C12orf42: variants seen among roughly 807,000 people sequenced by gnomAD.
C12orf42 encodes the protein uncharacterized protein C12orf42.
Under a neutral mutation model 21.6 loss-of-function variants are expected in C12orf42, and 25 were observed. The observed-to-expected ratio is 1.16, with a 90% CI of 0.84 to 1.62. The LOEUF (loss-of-function observed/expected upper bound fraction) is 1.62. C12orf42 is among the 40% of genes most tolerant of loss of function. C12orf42 has a pLI of 0.00. For missense variants in C12orf42, 483 were observed against 459.3 expected, an observed-to-expected ratio of 1.05 and a Z score of -0.47; for synonymous variants, 174 against 175.0, an observed-to-expected ratio of 0.99 and a Z score of 0.05.
chr12:103,213,909 A>G, the C12orf42 span, among the ~76,000 whole-genome samples: 4 of 152,150 alleles, frequency 2.6e-5, no homozygotes, highest in Non-Finnish European at 4.4e-5. Context: ...CTCATTTTCC[A>G]TGGATTGATA....
intron 4 of C12orf42, among the ~76,000 whole-genome samples, chr12:103,340,904 G>A (rs1225737514): frequency 3.3e-5 from 5 of 152,062 alleles, no homozygotes; most frequent in Non-Finnish European, 1.5e-5. Flanking sequence ...ACGAGGTCAG[G>A]AGATCGAGAC....
chr12:103,156,410 C>T, the C12orf42 span, among the ~76,000 whole-genome samples: 4 of 152,104 alleles, frequency 2.6e-5, no homozygotes, highest in Admixed American at 2.0e-4. Flanking sequence ...AATGTGGGTG[C>T]AGATTGCATG....
the C12orf42 span, among the ~76,000 whole-genome samples, chr12:103,171,366 T>A: frequency 0.5 from 75,568 of 151,988 alleles, 19,043 homozygotes; most frequent in East Asian, 0.67. Context: ...AGAGGCCCTC[T>A]ATAAATATTT....
At chr12:103,507,162 AT>A in the C12orf42 span, among the ~76,000 whole-genome samples, 3 of 26,992 alleles carry the variant, frequency 1.1e-4, no homozygotes, top group Admixed American at 7.1e-4. Flanking sequence ...ATATATATAT[AT>A]AATATATATT....
intron 4 of C12orf42, among the ~76,000 whole-genome samples, chr12:103,316,814 GA>G (rs796082267): frequency 2.1e-3 from 303 of 142,268 alleles, no homozygotes; most frequent in Middle Eastern, 0.011. Context: ...ACTTATACTG[GA>G]AAAAAAAAAA....
intron 5 of C12orf42, among the ~76,000 whole-genome samples, chr12:103,270,927 T>A (rs2035438062): frequency 6.6e-6 from 1 of 152,096 alleles, no homozygotes; most frequent in Admixed American, 6.6e-5. Context: ...AATATCAGAA[T>A]GGGATAATTT....
At chr12:103,255,199 C>T (rs1222864789) in intron 10 of C12orf42, among the ~76,000 whole-genome samples, 5 of 151,892 alleles carry the variant, frequency 3.3e-5, no homozygotes, top group African/African-American at 4.8e-5. Context: ...GGTGAAATCC[C>T]GTCTCTCCTA....
At chr12:103,212,390 T>C in the C12orf42 span, among the ~76,000 whole-genome samples, 3 of 152,354 alleles carry the variant, frequency 2.0e-5, no homozygotes, top group African/African-American at 7.2e-5. Context: ...ATGTTTTTTG[T>C]TTAACGTTGT....
chr12:103,225,752 C>T, the C12orf42 span, among the ~76,000 whole-genome samples: 2 of 152,086 alleles, frequency 1.3e-5, no homozygotes, highest in African/African-American at 2.4e-5. Flanking sequence ...GGTTTAGAAG[C>T]CTGACCATCA....
downstream of C12orf42, among the ~76,000 whole-genome samples, chr12:103,263,717 C>T (rs1309683671): frequency 6.6e-6 from 1 of 152,278 alleles, no homozygotes; most frequent in African/African-American, 2.4e-5. Flanking sequence ...GATCTCAAGT[C>T]GTCCCATATA....
chr12:103,457,105 T>C (rs1952350882), intron 2 of C12orf42, among the ~76,000 whole-genome samples: 1 of 152,190 alleles, frequency 6.6e-6, no homozygotes, highest in African/African-American at 2.4e-5. Context: ...CACAAATATA[T>C]ACTGAAGAAC....
At chr12:103,338,302 A>G (rs2041892722) in intron 4 of C12orf42, among the ~76,000 whole-genome samples, 1 of 152,244 alleles carries the variant, frequency 6.6e-6, no homozygotes, top group Non-Finnish European at 1.5e-5. Flanking sequence ...ACAAAGAAGG[A>G]CCACAGCTCT....
the C12orf42 span, among the ~76,000 whole-genome samples, chr12:103,167,133 C>T: frequency 2.6e-5 from 4 of 152,204 alleles, no homozygotes; most frequent in South Asian, 4.2e-4. Flanking sequence ...TTAGTGGTTG[C>T]GCAATCATGT....
chr12:103,199,500 T>C, the C12orf42 span, among the ~76,000 whole-genome samples: 21 of 152,060 alleles, frequency 1.4e-4, no homozygotes, highest in African/African-American at 4.6e-4. Flanking sequence ...CAGCCAAGAA[T>C]ACAGTCAACA....
chr12:103,512,264 G>A, the C12orf42 span, among the ~76,000 whole-genome samples: 8 of 152,296 alleles, frequency 5.3e-5, no homozygotes, highest in East Asian at 1.5e-3. Context: ...TTAATTCCAT[G>A]GAGGTGGACA....
chr12:103,497,052 C>A (rs1453656837), upstream of C12orf42, among the ~76,000 whole-genome samples: 2 of 152,066 alleles, frequency 1.3e-5, no homozygotes, highest in Admixed American at 6.5e-5. Flanking sequence ...TTTATAATTT[C>A]TAGATAGAAA....
chr12:103,156,536 A>G, the C12orf42 span, among the ~76,000 whole-genome samples: 1 of 152,210 alleles, frequency 6.6e-6, no homozygotes, highest in Non-Finnish European at 1.5e-5. Flanking sequence ...AATGGGATAC[A>G]TGTGTAGAAC....
At chr12:103,111,863 T>C in the C12orf42 span, among the ~76,000 whole-genome samples, 1 of 152,226 alleles carries the variant, frequency 6.6e-6, no homozygotes, top group Non-Finnish European at 1.5e-5. Context: ...GAATCAGTAT[T>C]TGAAATGATT....
chr12:103,142,210 A>G, the C12orf42 span, among the ~76,000 whole-genome samples: 1 of 152,172 alleles, frequency 6.6e-6, no homozygotes, highest in Admixed American at 6.5e-5. Context: ...TCTCTAGTGA[A>G]CTAAAATTAA....
Sources: allele counts gnomAD v4.1 joint callset (sites outside exome capture counted in the v4.1 genomes callset), GRCh38; gene constraint gnomAD v4.1.1; transcripts MANE v1.5; gene names NCBI Gene and HGNC (gene_info 2026-07-23, HGNC 2026-07-21).